Variants in ANKRD62 observed in about 807,000 individuals in gnomAD.
ANKRD62 encodes the protein ankyrin repeat domain-containing protein 62.
In ANKRD62, 61 loss-of-function variants were observed where a neutral mutation model predicts 98.8. The observed-to-expected ratio is 0.62, with a 90% CI of 0.50 to 0.76. The LOEUF (loss-of-function observed/expected upper bound fraction) is 0.76, where lower values mean the gene tolerates loss of function less well. Among genes scored for constraint, ANKRD62 ranks in the 30% least tolerant of loss-of-function variants. ANKRD62 has a pLI of 0.00. For synonymous variants in ANKRD62, 341 were observed against 367.9 expected, an observed-to-expected ratio of 0.93 and a Z score of 0.84; for missense variants, 933 against 1,082.9, an observed-to-expected ratio of 0.86 and a Z score of 1.94.
At chr18:12,099,520 T>C (rs1909253720) in intron 5 of ANKRD62, 95 bp from the exon 6 acceptor site, 1 of 667,776 alleles carries the variant, frequency 1.5e-6, no homozygotes, top group African/African-American at 1.9e-5. Flanking sequence ...AGTTCTGATA[T>C]TGTTTGATAT....
chr18:12,102,530 C>T (rs535747373), intron 6 of ANKRD62: 4 of 327,868 alleles, frequency 1.2e-5, no homozygotes, highest in Admixed American at 4.0e-5. Flanking sequence ...TAGTTATAGT[C>T]GGTTAAAACA....
chr18:12,176,051 G>A, the ANKRD62 span, among the ~76,000 whole-genome samples: 2 of 151,584 alleles, frequency 1.3e-5, no homozygotes, highest in African/African-American at 4.9e-5. Flanking sequence ...AATTGGCCGG[G>A]CATGGTGGCG....
chr18:12,115,974 G>C (rs1030650915), intron 10 of ANKRD62, among the ~76,000 whole-genome samples: 2 of 152,050 alleles, frequency 1.3e-5, no homozygotes, highest in Non-Finnish European at 2.9e-5. Context: ...ACTTGTCATT[G>C]CTATAAGGTA....
At chr18:12,136,894 A>AT in the ANKRD62 span, among the ~76,000 whole-genome samples, 1 of 152,140 alleles carries the variant, frequency 6.6e-6, no homozygotes, top group Non-Finnish European at 1.5e-5. Context: ...TTGTACATTG[A>AT]TTTTGTATCC....
At chr18:12,170,618 T>A in the ANKRD62 span, among the ~76,000 whole-genome samples, 1 of 152,176 alleles carries the variant, frequency 6.6e-6, no homozygotes, top group Non-Finnish European at 1.5e-5. Context: ...TGATTTGGGG[T>A]GGAGAGTTCT....
chr18:12,158,947 G>A, the ANKRD62 span, among the ~76,000 whole-genome samples: 9 of 152,106 alleles, frequency 5.9e-5, no homozygotes, highest in Non-Finnish European at 8.8e-5. Context: ...AAGGTAATAA[G>A]TGTATTTCTT....
chr18:12,095,564 C>G lies in ANKRD62; in HGVS notation c.461C>G (p.Ala154Gly). 6.5e-7 allele frequency: 1 copy of G among 1,541,666 alleles called. No homozygotes were observed. The highest frequency in any genetic ancestry group is 8.7e-7 in the Non-Finnish European group (1 of 1,149,432). The change falls in exon 3 of 14, where the codon GCA becomes GGA. Residue 154 changes from alanine to glycine, a missense_variant. Physicochemically the swap from Ala to Gly is moderately conservative, Grantham distance 60 (BLOSUM62 0). Around this residue, in one of 3 missense-constraint regions of ANKRD62, gnomAD observed 549 missense variants for 587.9 expected, o/e 0.93. Transcript: ENST00000587848. Reference protein sequence around the residue: ...YAIDNENISMARKLLAYGADI... With the variant: ...YAIDNENISMGRKLLAYGADI... ...ATTGATAATGAGAATATATCAATGG[C>G]AAGAAAACTGCTTGCATATGGTGCA...
Position 12,099,693 on chromosome 18 carries a change from T to C in ANKRD62, c.820+11T>C, listed in dbSNP as rs1909257718. On this transcript the variant is annotated intron_variant, in intron 6 of 13. Coordinates refer to ENST00000587848, the MANE Select transcript of ANKRD62 (RefSeq NM_001277333.2). ...AAAATAGCAATTCAGGTATGACTTCTGATAGTGAATTCCTCTCGATGGTCC... is the reference window on the plus strand; with the variant it reads ...AAAATAGCAATTCAGGTATGACTTCCGATAGTGAATTCCTCTCGATGGTCC... The C allele has an allele frequency of 7.0e-7, 1 of 1,424,144 alleles. No homozygotes were observed. The highest frequency in any genetic ancestry group is 9.3e-7 in the Non-Finnish European group (1 of 1,074,890). The allele number at this position is 1,424,144 out of a possible 1,614,324, so 88.2% of individuals were successfully genotyped here.
chr18:12,151,314 C>T, the ANKRD62 span, among the ~76,000 whole-genome samples: 2 of 152,272 alleles, frequency 1.3e-5, no homozygotes, highest in East Asian at 3.9e-4. Flanking sequence ...TACAAAGAGA[C>T]ATAGACTCCC....
At chr18:12,165,616 A>T in the ANKRD62 span, among the ~76,000 whole-genome samples, 2 of 151,976 alleles carry the variant, frequency 1.3e-5, no homozygotes, top group African/African-American at 2.4e-5. Context: ...GTATGTCTTG[A>T]GAAGTTGTGG....
the ANKRD62 span, among the ~76,000 whole-genome samples, chr18:12,156,932 C>G: frequency 6.6e-6 from 1 of 152,158 alleles, no homozygotes; most frequent in Non-Finnish European, 1.5e-5. Flanking sequence ...ATAACTTCCT[C>G]TCTCACTCTC....
intron 10 of ANKRD62, among the ~76,000 whole-genome samples, chr18:12,117,605 A>G (rs1364406876): frequency 6.6e-6 from 1 of 152,128 alleles, no homozygotes; most frequent in Admixed American, 6.5e-5. Context: ...TTCATCATAG[A>G]TGTTCTTTAT....
chr18:12,094,003 A>G lies in ANKRD62; in HGVS notation c.-15A>G. ...AAGCCGTTCCTCAGCCTGGGAGAAG[A>G]TCTCTGGCTTCAGGATGGAGGTCAG... On this transcript the variant is annotated 5_prime_UTR_variant, in exon 1 of 14. Coordinates refer to ENST00000587848, the MANE Select transcript of ANKRD62 (RefSeq NM_001277333.2). The G allele has an allele frequency of 6.5e-7, 1 of 1,534,448 alleles. No homozygotes were observed. The highest frequency in any genetic ancestry group is 1.4e-5 in the African/African-American group (1 of 72,984).
chr18:12,123,320 C>G (rs1354548312), intron 11 of ANKRD62, among the ~76,000 whole-genome samples: 3 of 151,800 alleles, frequency 2.0e-5, no homozygotes, highest in Non-Finnish European at 4.4e-5. Flanking sequence ...TCCCAAAGTT[C>G]TGGGATTACA....
downstream of ANKRD62, among the ~76,000 whole-genome samples, chr18:12,133,995 T>C (rs1910042817): frequency 6.6e-6 from 1 of 152,188 alleles, no homozygotes; most frequent in Non-Finnish European, 1.5e-5. Flanking sequence ...TCACACCCAC[T>C]ATTTTTCTAT....
the ANKRD62 span, among the ~76,000 whole-genome samples, chr18:12,170,578 A>G: frequency 6.6e-5 from 10 of 152,208 alleles, no homozygotes; most frequent in Non-Finnish European, 1.2e-4. Context: ...AGTAAGTGCA[A>G]TGTGGTGCTG....
intron 10 of ANKRD62, among the ~76,000 whole-genome samples, chr18:12,120,282 T>C (rs562855921): frequency 6.6e-6 from 1 of 152,320 alleles, no homozygotes; most frequent in South Asian, 2.1e-4. Flanking sequence ...TTTATAGTTC[T>C]ATCTACTTTG....
the ANKRD62 span, among the ~76,000 whole-genome samples, chr18:12,136,644 A>G: frequency 6.6e-6 from 1 of 152,122 alleles, no homozygotes; most frequent in Admixed American, 6.5e-5. Context: ...CAGTATGGCC[A>G]TTTTCACCAT....
At chr18:12,137,932 G>C in the ANKRD62 span, among the ~76,000 whole-genome samples, 6 of 151,022 alleles carry the variant, frequency 4.0e-5, no homozygotes, top group East Asian at 1.9e-4. Context: ...TGATTCTTCT[G>C]TCTTTTCTTC....
Sources: allele counts gnomAD v4.1 joint callset (sites outside exome capture counted in the v4.1 genomes callset), GRCh38; gene constraint gnomAD v4.1.1; regional missense constraint gnomAD v4.1.1; transcripts MANE v1.5; gene names NCBI Gene and HGNC (gene_info 2026-07-23, HGNC 2026-07-21).